The following GPC5 variants were observed in gnomAD, a reference collection of about 807,000 sequenced individuals.
GPC5 encodes glypican-5.
In GPC5, 47 loss-of-function variants were observed where a neutral mutation model predicts 53.9. That is an observed-to-expected ratio of 0.87 (90% CI 0.69 to 1.11). The LOEUF is 1.11. GPC5 is among the 50% of genes most tolerant of loss of function. The probability of loss-of-function intolerance (pLI) is 0.00; values close to 1 mark genes in which losing one functional copy is unlikely to be tolerated. For missense variants in GPC5, 748 were observed against 713.1 expected (o/e 1.05, Z -0.56); for synonymous variants, 286 against 263.3 (o/e 1.09, Z -0.84).
At chr13:91,876,089 C>G (rs1181836820) in intron 5 of GPC5, among the ~76,000 whole-genome samples, 2 of 152,084 alleles carry the variant, frequency 1.3e-5, no homozygotes, top group Non-Finnish European at 2.9e-5. Flanking sequence ...TTTCTCTTTC[C>G]CCTGTCATGT....
chr13:91,941,466 A>G (rs1240303081), intron 6 of GPC5, among the ~76,000 whole-genome samples: 2 of 152,026 alleles, frequency 1.3e-5, no homozygotes, highest in Non-Finnish European at 2.9e-5. Context: ...CATCATGCTT[A>G]TTAAATGTTC....
intron 7 of GPC5, among the ~76,000 whole-genome samples, chr13:92,434,248 A>G (rs1212288578): frequency 6.6e-6 from 1 of 152,180 alleles, no homozygotes; most frequent in Non-Finnish European, 1.5e-5. Context: ...GTACTGGTAG[A>G]TAAAAACAAT....
At chr13:91,900,163 C>T (rs2039483545) in intron 5 of GPC5, among the ~76,000 whole-genome samples, 1 of 151,758 alleles carries the variant, frequency 6.6e-6, no homozygotes, top group African/African-American at 2.4e-5. Flanking sequence ...GAAAAAAATA[C>T]AAAAAAGCTA....
chr13:92,828,995 C>G (rs769903894), intron 7 of GPC5, among the ~76,000 whole-genome samples: 9 of 152,096 alleles, frequency 5.9e-5, no homozygotes, highest in Admixed American at 4.6e-4. Flanking sequence ...ATCCCTAAAT[C>G]CACAAAAATA....
chr13:92,058,305 G>C (rs953373268), intron 6 of GPC5, among the ~76,000 whole-genome samples: 1 of 152,176 alleles, frequency 6.6e-6, no homozygotes, highest in African/African-American at 2.4e-5. Flanking sequence ...GGAATTAGAA[G>C]TGTAAGCCAC....
At chr13:92,824,778 A>G (rs1432124761) in intron 7 of GPC5, among the ~76,000 whole-genome samples, 1 of 152,032 alleles carries the variant, frequency 6.6e-6, no homozygotes, top group Non-Finnish European at 1.5e-5. Flanking sequence ...TTCTAAAAAA[A>G]TTACTCCTTA....
intron 7 of GPC5, among the ~76,000 whole-genome samples, chr13:92,774,983 T>C (rs921531692): frequency 2.6e-5 from 4 of 152,218 alleles, no homozygotes; most frequent in Non-Finnish European, 5.9e-5. Context: ...TAATTTTCTC[T>C]AGGCTGAAAG....
At chr13:92,542,492 C>A (rs996077815) in intron 7 of GPC5, among the ~76,000 whole-genome samples, 1 of 151,874 alleles carries the variant, frequency 6.6e-6, no homozygotes, top group Non-Finnish European at 1.5e-5. Flanking sequence ...CATCTCTTAT[C>A]GTTCATCTTT....
At chr13:91,878,520 C>T (rs933634927) in intron 5 of GPC5, among the ~76,000 whole-genome samples, 2 of 152,190 alleles carry the variant, frequency 1.3e-5, no homozygotes, top group Non-Finnish European at 2.9e-5. Flanking sequence ...GGCTGCGTCT[C>T]CCACCCAAAT....
intron 7 of GPC5, among the ~76,000 whole-genome samples, chr13:92,503,176 A>G (rs1340754302): frequency 1.3e-5 from 2 of 151,960 alleles, no homozygotes; most frequent in African/African-American, 2.4e-5. Flanking sequence ...TAGTGTAACT[A>G]TCATCCAAAT....
intron 7 of GPC5, among the ~76,000 whole-genome samples, chr13:92,837,990 G>A: frequency 6.6e-6 from 1 of 151,834 alleles, no homozygotes. Flanking sequence ...AACTACTCAG[G>A]AGGCTAAGGC....
At chr13:91,576,754 A>T (rs764204970) in intron 2 of GPC5, among the ~76,000 whole-genome samples, 7 of 152,156 alleles carry the variant, frequency 4.6e-5, no homozygotes, top group Non-Finnish European at 1.0e-4. Context: ...CTAAGTCAGA[A>T]TATCACAAAA....
At chr13:91,464,588 G>A (rs1882122545) in intron 2 of GPC5, among the ~76,000 whole-genome samples, 1 of 152,056 alleles carries the variant, frequency 6.6e-6, no homozygotes, top group Admixed American at 6.6e-5. Flanking sequence ...GGACTTTAAT[G>A]GAATTATGCT....
At chr13:92,318,122 T>C (rs2043192258) in intron 7 of GPC5, among the ~76,000 whole-genome samples, 2 of 152,214 alleles carry the variant, frequency 1.3e-5, no homozygotes, top group Admixed American at 1.3e-4. Flanking sequence ...AAGTTTTATG[T>C]TCAAGACATC....
intron 7 of GPC5, among the ~76,000 whole-genome samples, chr13:92,740,890 ATT>A (rs1218626025): frequency 5.7e-5 from 2 of 35,348 alleles, no homozygotes; most frequent in Non-Finnish European, 1.1e-4. Flanking sequence ...ATGTATATTT[ATT>A]TATTTATATA....
intron 2 of GPC5, among the ~76,000 whole-genome samples, chr13:91,524,485 C>T (rs1885992635): frequency 1.3e-5 from 2 of 152,010 alleles, no homozygotes; most frequent in Admixed American, 6.6e-5. Context: ...CTGCCTACTA[C>T]CAGACTACTA....
intron 7 of GPC5, among the ~76,000 whole-genome samples, chr13:92,371,622 C>T (rs2043650426): frequency 6.6e-6 from 1 of 152,134 alleles, no homozygotes. Context: ...GAGAGAGAAG[C>T]AACGCATCTT....
intron 7 of GPC5, among the ~76,000 whole-genome samples, chr13:92,458,001 A>T (rs1387074457): frequency 6.6e-6 from 1 of 152,158 alleles, no homozygotes; most frequent in Non-Finnish European, 1.5e-5. Flanking sequence ...TCAAGAGAAG[A>T]TGAAGTTTTC....
intron 6 of GPC5, among the ~76,000 whole-genome samples, chr13:92,127,331 A>G (rs769073183): frequency 1.3e-4 from 19 of 151,004 alleles, no homozygotes; most frequent in Non-Finnish European, 2.5e-4. Flanking sequence ...GTGTATGTGT[A>G]TATATATATA....
Sources: allele counts gnomAD v4.1 joint callset (sites outside exome capture counted in the v4.1 genomes callset), GRCh38; gene constraint gnomAD v4.1.1; transcripts MANE v1.5; gene names NCBI Gene and HGNC (gene_info 2026-07-23, HGNC 2026-07-21).